Variants in TNC observed in about 807,000 individuals in gnomAD.
The protein encoded by TNC is tenascin C, also known as tenascin.
In TNC, 109 loss-of-function variants were observed where a neutral mutation model predicts 202.4. That is an observed-to-expected ratio of 0.54 (90% confidence interval 0.46 to 0.63). The LOEUF (loss-of-function observed/expected upper bound fraction) is 0.63, where lower values mean the gene tolerates loss of function less well. Ranked by LOEUF, TNC falls within the 30% of genes least tolerant of loss-of-function variation. TNC has a pLI of 0.00. For synonymous variants in TNC, 1,007 were observed against 1,089.7 expected (o/e 0.92, Z 1.50); for missense variants, 2,756 against 2,833.3 (o/e 0.97, Z 0.62).
chr9:115,036,258 C>A lies in TNC; in HGVS notation c.5513-17G>T. 2 of 1,613,004 alleles carry A rather than the reference C, an allele frequency of 1.2e-6. No individual in the cohort carries two copies. The highest frequency in any genetic ancestry group is 1.7e-6 in the Non-Finnish European group (2 of 1,179,226). ...TTTCTGGCACTAAACATGAAATACA[C>A]ATACCAAGGCAGTCACCTCTCACTG... On this transcript the variant is annotated splice_polypyrimidine_tract_variant and intron_variant, in intron 20 of 27. Transcript: ENST00000350763.
Position 115,063,045 on chromosome 9 carries a change from A to C in TNC, c.3905T>G (p.Leu1302Arg), listed in dbSNP as rs1181810491. 3 of 1,614,012 alleles carry C rather than the reference A, an allele frequency of 1.9e-6. No individual in the cohort carries two copies. The Admixed American group carries it at 5.0e-5, about 27-fold the overall frequency. ...GGAACGCAGGCTGCCAGGAACCGTG[A>C]GATTGTGAGCCTCTTCCACCTGGTC... ...EADQVEEAHNLTVPGSLRSME... is the reference protein window; with the variant it reads ...EADQVEEAHNRTVPGSLRSME... The change falls in exon 13 of 28, where the codon CTC becomes CGC. Residue 1302 changes from leucine (L) to arginine (R), a missense_variant. Coordinates refer to ENST00000350763, the MANE Select transcript of TNC (RefSeq NM_002160.4).
intron 27 of TNC, among the ~76,000 whole-genome samples, chr9:115,022,367 C>T (rs1829137835): frequency 6.6e-6 from 1 of 152,172 alleles, no homozygotes. Context: ...TCTGATAGTT[C>T]AGGGTTGGAA....
chr9:115,111,369 C>A (rs1837034476), intron 1 of TNC, among the ~76,000 whole-genome samples: 1 of 145,640 alleles, frequency 6.9e-6, no homozygotes. Flanking sequence ...TGTGATGTGC[C>A]TCTTGCTTAT....
At chr9:115,028,310 C>T (rs1214816491) in intron 25 of TNC, among the ~76,000 whole-genome samples, 2 of 152,158 alleles carry the variant, frequency 1.3e-5, no homozygotes, top group Non-Finnish European at 1.5e-5. Context: ...TTAGTAAATT[C>T]GTCTTACCAA....
At chr9:115,072,147 T>G (rs1216177085) in intron 10 of TNC, among the ~76,000 whole-genome samples, 1 of 152,176 alleles carries the variant, frequency 6.6e-6, no homozygotes, top group Non-Finnish European at 1.5e-5. Flanking sequence ...GAGTGGCCAA[T>G]GAACTATGGG....
intron 1 of TNC, among the ~76,000 whole-genome samples, chr9:115,101,680 G>T (rs1248816886): frequency 6.6e-6 from 1 of 152,168 alleles, no homozygotes; most frequent in Non-Finnish European, 1.5e-5. Flanking sequence ...CTCCCAATGT[G>T]CTGGGTACTT....
intron 7 of TNC, 44 bp downstream of exon 7, chr9:115,077,899 A>C (rs1359680088): frequency 6.3e-7 from 1 of 1,575,196 alleles, no homozygotes; most frequent in Non-Finnish European, 8.7e-7. Flanking sequence ...GAAATCTTTC[A>C]ATCTTTCCTT....
At chr9:115,061,383 C>A (rs1381030604) in intron 13 of TNC, among the ~76,000 whole-genome samples, 1 of 152,190 alleles carries the variant, frequency 6.6e-6, no homozygotes, top group Admixed American at 6.5e-5. Flanking sequence ...CAGCTGTTCA[C>A]TTATCTGTCA....
chr9:115,088,960 TTTAC>T (rs1177608168), intron 2 of TNC, among the ~76,000 whole-genome samples: 1 of 152,206 alleles, frequency 6.6e-6, no homozygotes, highest in Non-Finnish European at 1.5e-5. Flanking sequence ...TAAAATTATG[TTTAC>T]TTGTTTCTTT....
rs550803360 is a variant in TNC, at chr9:115,107,433, C to A, written c.-137+10549G>T. Among the ~76,000 whole-genome samples, 34 of 152,270 alleles carry A rather than the reference C, an allele frequency of 2.2e-4. 1 individual carries two copies. In the South Asian group the frequency reaches 6.8e-3, roughly 31 times the overall value. On this transcript the variant is annotated intron_variant, in intron 1 of 27. Coordinates refer to ENST00000350763, the MANE Select transcript of TNC (RefSeq NM_002160.4). ...ATAAATGACAGCTTCTATTATGAAA[C>A]TAAATACAGATTGAATTGAACAATA...
At chr9:115,060,105 A>T in intron 13 of TNC, 103 bp from the exon 14 acceptor site, 5 of 1,105,550 alleles carry the variant, frequency 4.5e-6, no homozygotes, top group South Asian at 4.0e-5. Flanking sequence ...GGGAAAGATA[A>T]TTTTTTTTTT....
chr9:115,054,934 G>A (rs1052165408), intron 15 of TNC, among the ~76,000 whole-genome samples: 25 of 152,268 alleles, frequency 1.6e-4, no homozygotes, highest in African/African-American at 4.3e-4. Context: ...CAAAAATCAC[G>A]AGAACAAGAT....
Position 115,076,392 on chromosome 9 carries a change from G to A in TNC, c.2858C>T (p.Thr953Ile), listed in dbSNP as rs1370895583. 2.7e-5 allele frequency: 43 copies of A among 1,614,074 alleles called. No homozygotes were observed. The highest frequency in any genetic ancestry group is 3.6e-5 in the Non-Finnish European group (42 of 1,179,980). The part of the protein sequence containing the change: ...SQQATTKTTL[T>I]GLRPGTEYGI... The stretch of plus-strand genomic sequence containing the variant: ...GCTTGCAGAGATGCAGAGCTCACCT[G>A]TGAGTGTGGTTTTGGTTGTGGCTTG... The change falls in exon 8 of 28, where the codon ACA becomes ATA. Residue 953 changes from threonine (T) to isoleucine (I), a missense_variant and splice_region_variant. Thr to Ile is a moderately conservative substitution (Grantham distance 89). Coordinates refer to ENST00000350763, the MANE Select transcript of TNC (RefSeq NM_002160.4).
At position 115,081,606 on chromosome 9, in the gene TNC, C is replaced by T. The variant is rs117357449; in HGVS notation, c.2404+166G>A. ...CTCAGCTGAGCCCAAACCCAAATCA[C>T]CAACATGCAAAGAATTGTTATTTTA... On this transcript the variant is annotated intron_variant, in intron 6 of 27. Coordinates refer to ENST00000350763, the MANE Select transcript of TNC (RefSeq NM_002160.4). Among the ~76,000 whole-genome samples, 7 of 152,286 alleles carry T rather than the reference C, an allele frequency of 4.6e-5. No homozygotes were observed. The East Asian group carries it at 1.3e-3, about 29-fold the overall frequency.
Position 115,074,156 on chromosome 9 carries a change from T to G in TNC, c.2951-290A>C, listed in dbSNP as rs1042920979. On this transcript the variant is annotated intron_variant, in intron 9 of 27. Transcript: ENST00000350763. ...AAAGCAGTTAAAAGGAACCAACTAT[T>G]GATAAAAGAAGCAATTTAGATGAAT... Among the ~76,000 whole-genome samples, 4 of 152,144 alleles carry G rather than the reference T, an allele frequency of 2.6e-5. No individual in the cohort carries two copies. In the South Asian group the frequency reaches 8.3e-4, roughly 32 times the overall value.
chr9:115,032,405 T>A (rs1487133847), intron 22 of TNC, among the ~76,000 whole-genome samples: 1 of 152,198 alleles, frequency 6.6e-6, no homozygotes, highest in Non-Finnish European at 1.5e-5. Context: ...CCTTGAAAGA[T>A]GTTTGGACAT....
intron 24 of TNC, 124 bp downstream of exon 24, chr9:115,030,130 G>T: frequency 1.0e-6 from 1 of 1,004,668 alleles, no homozygotes; most frequent in Non-Finnish European, 1.4e-6. Context: ...GCACTATCTT[G>T]CAAGGCCTCA....
chr9:115,087,448 A>G (rs962261158), intron 2 of TNC, among the ~76,000 whole-genome samples, 175 bp from the exon 3 acceptor site: 6 of 152,148 alleles, frequency 3.9e-5, no homozygotes, highest in African/African-American at 1.4e-4. Context: ...ACATCCTGTT[A>G]TACCAGGTAG....
chr9:115,036,562 C>A (rs567730769), intron 20 of TNC, among the ~76,000 whole-genome samples: 1 of 152,202 alleles, frequency 6.6e-6, no homozygotes, highest in East Asian at 1.9e-4. Flanking sequence ...AGAGGACGGT[C>A]GGAGGGGACA....
Sources: allele counts gnomAD v4.1 joint callset (sites outside exome capture counted in the v4.1 genomes callset), GRCh38; gene constraint gnomAD v4.1.1; transcripts MANE v1.5; gene names NCBI Gene and HGNC (gene_info 2026-07-23, HGNC 2026-07-21).